DSCC1: variants seen among roughly 807,000 people sequenced by gnomAD.
DSCC1 encodes DNA replication and sister chromatid cohesion 1.
In DSCC1, 32 loss-of-function variants were observed where a neutral mutation model predicts 48.2. The observed-to-expected ratio is 0.66, with a 90% CI of 0.50 to 0.89. DSCC1 has a LOEUF of 0.89. DSCC1 is among the 40% of genes least tolerant of loss of function. DSCC1 has a pLI of 0.00. For missense variants in DSCC1, 421 were observed against 471.7 expected, an observed-to-expected ratio of 0.89 and a Z score of 1.00; for synonymous variants, 150 against 171.5, an observed-to-expected ratio of 0.87 and a Z score of 0.98.
intron 8 of DSCC1, among the ~76,000 whole-genome samples, chr8:119,837,696 C>G (rs1366112792): frequency 6.6e-6 from 1 of 152,010 alleles, no homozygotes; most frequent in Non-Finnish European, 1.5e-5. Context: ...GGAGATATGG[C>G]AAGAGGGAGA....
chr8:119,855,319 CCCT>C (rs1345717319), intron 1 of DSCC1, among the ~76,000 whole-genome samples: 1 of 152,160 alleles, frequency 6.6e-6, no homozygotes, highest in Non-Finnish European at 1.5e-5. Context: ...CCTGTAGAGT[CCCT>C]GTAATCACCG....
chr8:119,845,114 T>A (rs1826836858), intron 4 of DSCC1, among the ~76,000 whole-genome samples: 1 of 151,910 alleles, frequency 6.6e-6, no homozygotes. Context: ...TGATGGAGTC[T>A]CACTCTGTTG....
intron 1 of DSCC1, among the ~76,000 whole-genome samples, chr8:119,853,561 T>G (rs935282691): frequency 1.3e-5 from 2 of 152,272 alleles, no homozygotes; most frequent in African/African-American, 4.8e-5. Context: ...TGTCTCAATT[T>G]TCTACAACAT....
At chr8:119,854,233 C>CA (rs35384749) in intron 1 of DSCC1, among the ~76,000 whole-genome samples, 3 of 150,784 alleles carry the variant, frequency 2.0e-5, no homozygotes, top group Admixed American at 6.6e-5. Context: ...ACTCTCTCCC[C>CA]AAAAAAAAGA....
At chr8:119,840,297 G>C (rs1448319127) in intron 7 of DSCC1, 1 of 152,224 alleles carries the variant, frequency 6.6e-6, no homozygotes, top group Non-Finnish European at 1.5e-5. Context: ...ATGAAGGAAA[G>C]AATAGCGTGC....
chr8:119,855,689 C>T lies in DSCC1; in HGVS notation c.107G>A (p.Ser36Asn). Reference sequence around the variant, plus strand: ...GCAGAAGTCGCCGGCTGCAGCGCCGCTGGCCCCAGGGCCGAAGCCCAGGCA... The same window carrying T: ...GCAGAAGTCGCCGGCTGCAGCGCCGTTGGCCCCAGGGCCGAAGCCCAGGCA... ...VHCLGFGPGASGAAAGDFCLL... is the reference protein window; with the variant it reads ...VHCLGFGPGANGAAAGDFCLL... The change falls in exon 1 of 9, where the codon AGC (serine) becomes AAC (asparagine). Residue 36 changes from serine (S) to asparagine (N), a missense_variant. Transcript: ENST00000313655. 1 of 1,555,746 alleles carries T rather than the reference C, an allele frequency of 6.4e-7. No individual in the cohort carries two copies. Among genetic ancestry groups the T allele is most frequent in the South Asian group, 1.2e-5 (1 of 84,682 alleles).
At chr8:119,851,988 A>C (rs752726296) in intron 2 of DSCC1, among the ~76,000 whole-genome samples, 44 of 152,330 alleles carry the variant, frequency 2.9e-4, no homozygotes, top group East Asian at 1.5e-3. Flanking sequence ...ATTTTTAGTT[A>C]ATTACAATGA....
At chr8:119,842,481 C>T (rs934147999) in intron 6 of DSCC1, among the ~76,000 whole-genome samples, 10 of 151,626 alleles carry the variant, frequency 6.6e-5, no homozygotes, top group Admixed American at 3.9e-4. Context: ...TCCCCGGGCT[C>T]AGGTGATCCT....
chr8:119,838,478 C>T, intron 7 of DSCC1, 71 bp from the exon 8 acceptor site: 2 of 1,435,590 alleles, frequency 1.4e-6, no homozygotes, highest in Non-Finnish European at 1.8e-6. Context: ...CATTCTTTTA[C>T]CTTTAGGTTT....
chr8:119,847,199 A>G, intron 3 of DSCC1, 119 bp from the exon 4 acceptor site: 1 of 757,760 alleles, frequency 1.3e-6, no homozygotes. Flanking sequence ...GCACTAGCTC[A>G]GTTTCTTTTG....
Position 119,838,396 on chromosome 8 carries a change from C to T in DSCC1, c.936G>A (p.Leu312=), listed in dbSNP as rs1020372918. 5 of 1,593,140 alleles carry T rather than the reference C, an allele frequency of 3.1e-6. No individual in the cohort carries two copies. Among genetic ancestry groups the T allele is most frequent in the African/African-American group, 2.7e-5 (2 of 74,012 alleles). ...TTTCTGGTCTCGAGTGTCTATCCAC[C>T]AGCGCTAAACCCTACAAGAAATGAG... is the stretch of plus-strand genomic sequence containing the variant. The part of the protein sequence containing the change: ...TSLDQLKGLA[L]VDRHSRPEII... Residue 312 remains leucine (L), a synonymous_variant, in exon 8 of 9, where the codon CTG becomes CTA. Transcript: ENST00000313655.
intron 8 of DSCC1, among the ~76,000 whole-genome samples, chr8:119,836,849 A>G (rs1826692249): frequency 6.6e-6 from 1 of 152,098 alleles, no homozygotes; most frequent in African/African-American, 2.4e-5. Context: ...TTAGAGATTG[A>G]GAAGAAGAAC....
chr8:119,838,338 C>G lies in DSCC1; in HGVS notation c.994G>C (p.Glu332Gln). The change falls in exon 8 of 9, where the codon GAG becomes CAG. Residue 332 changes from glutamate (E) to glutamine (Q), a missense_variant. Physicochemically the swap from Glu to Gln is conservative, Grantham distance 29. This residue lies in a region of DSCC1 where 238 missense variants were observed against 259.0 expected (regional missense o/e 0.92). Transcript: ENST00000313655. ...CTATTAAAACGTTCCTGATTATCCT[C>G]AGGTAAATCATCTACTTTCAGCAAA... ...IFLLKVDDLP[E>Q]DNQERFNSLF... The G allele has an allele frequency of 6.2e-7, 1 of 1,610,608 alleles. No individual in the cohort carries two copies. The highest frequency in any genetic ancestry group is 1.3e-5 in the African/African-American group (1 of 75,008).
intron 8 of DSCC1, among the ~76,000 whole-genome samples, chr8:119,835,370 G>A (rs553731933): frequency 6.6e-6 from 1 of 152,146 alleles, no homozygotes; most frequent in Non-Finnish European, 1.5e-5. Flanking sequence ...AGCCGGGTGT[G>A]GTGGTGGGCA....
intron 3 of DSCC1, among the ~76,000 whole-genome samples, chr8:119,848,685 A>T (rs935510566): frequency 6.6e-6 from 1 of 152,262 alleles, no homozygotes; most frequent in African/African-American, 2.4e-5. Flanking sequence ...CAGAAGCATT[A>T]TTCTTAATAT....
intron 1 of DSCC1, among the ~76,000 whole-genome samples, chr8:119,855,082 A>G (rs1302037908): frequency 3.3e-5 from 5 of 152,166 alleles, no homozygotes; most frequent in African/African-American, 7.2e-5. Flanking sequence ...CTTCTAATCA[A>G]TGATCTTGCA....
In DSCC1 at chr8:119,844,438, A is replaced by G. The variant is rs555229574; in HGVS notation, c.578-691T>C. Among the ~76,000 whole-genome samples the G allele has an allele frequency of 3.3e-5, 5 of 150,512 alleles. No individual in the cohort carries two copies. In the East Asian group the frequency reaches 7.8e-4, roughly 23 times the overall value. On this transcript the variant is annotated intron_variant, in intron 4 of 8. Transcript: ENST00000313655. ...TGGGCAATGGTGAGACTGTCTCCAA[A>G]AAAAAAAAAAAAAAAGTCTTCACTT...
chr8:119,840,252 A>C (rs998939572), intron 7 of DSCC1: 1 of 152,258 alleles, frequency 6.6e-6, no homozygotes, highest in African/African-American at 2.4e-5. Flanking sequence ...GTGGTGAACC[A>C]CATAAACATT....
intron 7 of DSCC1, 90 bp downstream of exon 7, chr8:119,841,704 A>C: frequency 1.4e-6 from 2 of 1,456,548 alleles, no homozygotes; most frequent in Non-Finnish European, 1.9e-6. Context: ...AAGAAAAGAA[A>C]TTGGTTCCAA....
Sources: gnomAD v4.1 joint callset for allele counts (sites outside exome capture counted in the v4.1 genomes callset) on GRCh38, gnomAD v4.1.1 for gene constraint, gnomAD v4.1.1 regional missense constraint, MANE v1.5 for transcripts, NCBI Gene and HGNC (gene_info 2026-07-23, HGNC 2026-07-21) for gene names.